The following IL17RC variants were observed in gnomAD, a reference collection of about 807,000 sequenced individuals.
The protein encoded by IL17RC is interleukin 17 receptor C, also known as interleukin-17 receptor C.
Under a neutral mutation model 86.7 loss-of-function variants are expected in IL17RC, and 53 were observed. The ratio of observed to expected loss-of-function variants is 0.61; its 90% CI spans 0.49 to 0.77. The LOEUF is 0.77. IL17RC is among the 30% of genes least tolerant of loss of function. The pLI, the probability that IL17RC is intolerant of heterozygous loss-of-function variation, is 0.00. For missense variants in IL17RC, 957 were observed against 940.0 expected (o/e 1.02, Z -0.24); for synonymous variants, 439 against 413.1 (o/e 1.06, Z -0.76).
Position 9,928,336 on chromosome 3 carries a change from C to T in IL17RC, c.909C>T (p.Ala303=), listed in dbSNP as rs370054868. ...DPRAHQNLWQ[A]ARLQLLTLQS... is the part of the protein sequence containing the mutation. ...GCGCACACCAGAACCTCTGGCAAGCCGCCCGACTGCAACTGCTGACCCTGC... is the reference window on the plus strand; with the variant it reads ...GCGCACACCAGAACCTCTGGCAAGCTGCCCGACTGCAACTGCTGACCCTGC... Residue 303 remains alanine (A), a synonymous_variant, in exon 11 of 19, where the codon GCC becomes GCT. Coordinates refer to ENST00000403601, the MANE Select transcript of IL17RC (RefSeq NM_153460.4). The T allele has an allele frequency of 1.9e-4, 301 of 1,603,118 alleles. 2 individuals are homozygous for T. The highest frequency in any genetic ancestry group is 1.1e-3 in the South Asian group (96 of 90,308).
rs904868388 is a variant in IL17RC, at chr3:9,924,042, G to A, written c.762+22G>A. On this transcript the variant is annotated intron_variant, in intron 8 of 18. Coordinates refer to ENST00000403601, the MANE Select transcript of IL17RC (RefSeq NM_153460.4). Reference sequence around the variant, plus strand: ...CCTGGTGAGGCCTCCCCCTTCCCAAGTCCATTCCCACTGTAGGCCGATGCC... The same window carrying A: ...CCTGGTGAGGCCTCCCCCTTCCCAAATCCATTCCCACTGTAGGCCGATGCC... The A allele has an allele frequency of 1.9e-6, 3 of 1,612,464 alleles. No homozygotes were observed. The African/African-American group carries it at 4.0e-5, about 22-fold the overall frequency.
In IL17RC at chr3:9,928,573, T is replaced by G; in HGVS notation, c.1060-7T>G. The G allele has an allele frequency of 6.2e-7, 1 of 1,613,822 alleles. No individual in the cohort carries two copies. The highest frequency in any genetic ancestry group is 8.5e-7 in the Non-Finnish European group (1 of 1,180,006). ...TTGTGATCCCACCCATTCCTCTCTTTCCACAGAAGGTTCTCGAGTTCCCAT... is the reference window on the plus strand; with the variant it reads ...TTGTGATCCCACCCATTCCTCTCTTGCCACAGAAGGTTCTCGAGTTCCCAT... On this transcript the variant is annotated splice_region_variant and splice_polypyrimidine_tract_variant and intron_variant, in intron 11 of 18. Coordinates refer to ENST00000403601, the MANE Select transcript of IL17RC (RefSeq NM_153460.4).
In IL17RC at chr3:9,918,606, T is replaced by C. The variant is rs1316778544; in HGVS notation, c.462T>C (p.Ser154=). Residue 154 remains serine, a synonymous_variant, in exon 5 of 19, where the codon TCT becomes TCC. Transcript: ENST00000403601. The part of the protein sequence containing the change: ...VPAALVQFGQ[S]VGSVVYDCFE... ...CTGCCCTTGTGCAGTTTGGTCAGTC[T>C]GTGGTATGCAAAATAATAATAATCA... The C allele has an allele frequency of 2.5e-6, 4 of 1,604,300 alleles. No homozygotes were observed. Among genetic ancestry groups the C allele is most frequent in the Non-Finnish European group, 3.4e-6 (4 of 1,171,400 alleles).
At position 9,933,239 on chromosome 3, in the gene IL17RC, C is replaced by T. The variant is rs753993531; in HGVS notation, c.1809C>T (p.His603=). ...ATGGGGTGTCCGGGCCCGGGGCGCA[C>T]GGCCCGCACGACGCCTTCCGCGCCT... ...LQDGVSGPGA[H]GPHDAFRASL... The change falls in exon 19 of 19, where the codon CAC becomes CAT. Residue 603 remains histidine, a synonymous_variant. Transcript: ENST00000403601. The T allele has an allele frequency of 5.6e-6, 9 of 1,604,800 alleles. No homozygotes were observed. The highest frequency in any genetic ancestry group is 6.8e-6 in the Non-Finnish European group (8 of 1,176,382).
chr3:9,926,452 A>G (rs2084083699), intron 9 of IL17RC, among the ~76,000 whole-genome samples: 1 of 152,192 alleles, frequency 6.6e-6, no homozygotes, highest in African/African-American at 2.4e-5. Context: ...ATATTATGAA[A>G]TGAATGAGTG....
At position 9,933,365 on chromosome 3, in the gene IL17RC, C is replaced by A. The variant is rs765667951; in HGVS notation, c.1935C>A (p.Ala645=). 10 of 1,612,552 alleles carry A rather than the reference C, an allele frequency of 6.2e-6. No individual in the cohort carries two copies. ...DRLLHPDAVP[A]LFRTVPVFTL... The stretch of plus-strand genomic sequence containing the variant: ...TGCTCCACCCGGACGCCGTACCCGC[C>A]CTTTTCCGCACCGTGCCCGTCTTCA... The change falls in exon 19 of 19, where the codon GCC becomes GCA. Residue 645 remains alanine (A), a synonymous_variant. Transcript: ENST00000403601.
At position 9,917,986 on chromosome 3, in the gene IL17RC, C is replaced by T. The variant is rs143847085; in HGVS notation, c.191C>T (p.Thr64Met). ...GCTCCGGGCCCCGTGCTGGCGCCTA[C>T]GCACCTGCAGACAGAGCTGGTGCTG... is the stretch of plus-strand genomic sequence containing the variant. ...VPAPGPVLAP[T>M]HLQTELVLRC... Residue 64 changes from threonine (T) to methionine (M), a missense_variant, in exon 3 of 19, where the codon ACG becomes ATG. Transcript: ENST00000403601. 1.8e-5 allele frequency: 29 copies of T among 1,613,664 alleles called. No individual in the cohort carries two copies. The Admixed American group carries it at 2.8e-4, about 16-fold the overall frequency.
intron 7 of IL17RC, 128 bp from the exon 8 acceptor site, chr3:9,923,750 AATG>A: frequency 2.0e-6 from 2 of 1,003,922 alleles, no homozygotes; most frequent in South Asian, 3.1e-5. Flanking sequence ...TCTGGTCTGA[AATG>A]ATGACACACG....
At chr3:9,927,092 C>T (rs1182629840) in intron 9 of IL17RC, among the ~76,000 whole-genome samples, 1 of 152,174 alleles carries the variant, frequency 6.6e-6, no homozygotes, top group African/African-American at 2.4e-5. Flanking sequence ...GTGTTCCTAA[C>T]TAAAGGCTTG....
chr3:9,917,269 G>A lies in IL17RC; in HGVS notation c.-47G>A. On this transcript the variant is annotated 5_prime_UTR_variant, in exon 1 of 19. Transcript: ENST00000403601. ...CTGGGGTGTCTGCCCCCCTTGGGGG[G>A]GGGCAGCACAGGGCCTCAGGCCTGG... 6.7e-7 allele frequency: 1 copy of A among 1,501,294 alleles called. No homozygotes were observed. Among genetic ancestry groups the A allele is most frequent in the Non-Finnish European group, 9.0e-7 (1 of 1,109,302 alleles). The allele number at this position is 1,501,294 out of a possible 1,614,324, so 93.0% of individuals were successfully genotyped here.
In IL17RC at chr3:9,917,728, C is replaced by A; in HGVS notation, c.121C>A (p.Leu41Ile). ...THCSPGLSCR[L>I]WDSDILCLPG... ...TCCTTCCCAGGGCCTCTCCTGCCGCCTCTGGGGTAAGTATCCCTACTTTTA... is the reference window on the plus strand; with the variant it reads ...TCCTTCCCAGGGCCTCTCCTGCCGCATCTGGGGTAAGTATCCCTACTTTTA... The change falls in exon 2 of 19, where the codon CTC becomes ATC. Residue 41 changes from leucine to isoleucine, a missense_variant. By Grantham distance (5) the Leu-to-Ile change is conservative (BLOSUM62 2). Transcript: ENST00000403601. 6.2e-7 allele frequency: 1 copy of A among 1,613,782 alleles called. No homozygotes were observed. Among genetic ancestry groups the A allele is most frequent in the Non-Finnish European group, 8.5e-7 (1 of 1,180,036 alleles).
intron 1 of IL17RC, 69 bp from the exon 2 acceptor site, chr3:9,917,644 G>A (rs1575514130): frequency 6.2e-7 from 1 of 1,614,008 alleles, no homozygotes; most frequent in East Asian, 2.2e-5. Flanking sequence ...GTAGGTGGAG[G>A]TCTTAGGCAG....
intron 2 of IL17RC, 65 bp from the exon 3 acceptor site, chr3:9,917,858 T>C (rs750714924): frequency 1.9e-6 from 3 of 1,610,498 alleles, no homozygotes; most frequent in Admixed American, 1.7e-5. Context: ...TCTCTGGGTA[T>C]GTCAGGTGCC....
intron 5 of IL17RC, among the ~76,000 whole-genome samples, chr3:9,919,858 T>G (rs1375541676): frequency 4.6e-5 from 7 of 152,084 alleles, no homozygotes; most frequent in Non-Finnish European, 8.8e-5. Context: ...GTGGGCTGGA[T>G]GCACTTCTCT....
At chr3:9,932,481 C>T in intron 16 of IL17RC, 127 bp from the exon 17 acceptor site, 1 of 872,748 alleles carries the variant, frequency 1.1e-6, no homozygotes, top group Non-Finnish European at 2.0e-6. Context: ...CCGCCTCGGC[C>T]TCCCGAAGTG....
chr3:9,927,227 A>G (rs921314279), intron 9 of IL17RC, among the ~76,000 whole-genome samples: 5 of 77,472 alleles, frequency 6.5e-5, no homozygotes, highest in Non-Finnish European at 1.2e-4. Flanking sequence ...TCCCCAACAC[A>G]TAGCAGGTGC....
chr3:9,932,822 T>G lies in IL17RC; in HGVS notation c.1486T>G (p.Trp496Gly). The G allele has an allele frequency of 6.4e-7, 1 of 1,561,234 alleles. No individual in the cohort carries two copies. Among genetic ancestry groups the G allele is most frequent in the Non-Finnish European group, 8.6e-7 (1 of 1,157,688 alleles). Reference protein sequence around the residue: ...LLLKKDHAKGWLRLLKQDVRS... With the variant: ...LLLKKDHAKGGLRLLKQDVRS... ...CCTCCGCCCCTCTCCCCTAACAGGG[T>G]GGCTGAGGCTCTTGAAACAGGACGT... Residue 496 changes from tryptophan (W) to glycine (G), a missense_variant and splice_region_variant, in exon 18 of 19, where the codon TGG (tryptophan) becomes GGG (glycine). Coordinates refer to ENST00000403601, the MANE Select transcript of IL17RC (RefSeq NM_153460.4).
Position 9,929,910 on chromosome 3 carries a change from TG to T in IL17RC, c.1156+18del. 1 of 1,614,020 alleles carries T rather than the reference TG, an allele frequency of 6.2e-7. No homozygotes were observed. The highest frequency in any genetic ancestry group is 8.5e-7 in the Non-Finnish European group (1 of 1,179,952). On this transcript the variant is annotated intron_variant, in intron 13 of 18. Coordinates refer to ENST00000403601, the MANE Select transcript of IL17RC (RefSeq NM_153460.4). ...TGCTTGTGGGCTGGTGAGTTGGGCCTGGGGGCAGCTGGGGCAGGGCCACCTC... is the reference window on the plus strand; with the variant it reads ...TGCTTGTGGGCTGGTGAGTTGGGCCTGGGGCAGCTGGGGCAGGGCCACCTC...
intron 9 of IL17RC, among the ~76,000 whole-genome samples, chr3:9,926,444 A>T (rs1011680355): frequency 1.1e-4 from 16 of 152,196 alleles, no homozygotes; most frequent in African/African-American, 3.6e-4. Flanking sequence ...CTCAATAAAT[A>T]TTATGAAATG....
Sources: allele counts gnomAD v4.1 joint callset (sites outside exome capture counted in the v4.1 genomes callset), GRCh38; gene constraint gnomAD v4.1.1; transcripts MANE v1.5; gene names NCBI Gene and HGNC (gene_info 2026-07-23, HGNC 2026-07-21).